The following CNTN5 variants were observed in gnomAD, a reference collection of about 807,000 sequenced individuals.
CNTN5 encodes the protein contactin-5.
In CNTN5, 77 loss-of-function variants were observed where a neutral mutation model predicts 129.1. The ratio of observed to expected loss-of-function variants is 0.60; its 90% confidence interval spans 0.50 to 0.72. CNTN5 has a LOEUF of 0.72. Among genes scored for constraint, CNTN5 ranks in the 30% least tolerant of loss-of-function variants. The probability of loss-of-function intolerance (pLI) is 0.00; values close to 1 mark genes in which losing one functional copy is unlikely to be tolerated. For missense variants in CNTN5, 1,478 were observed against 1,328.8 expected, an observed-to-expected ratio of 1.11 and a Z score of -1.75; for synonymous variants, 509 against 465.6, an observed-to-expected ratio of 1.09 and a Z score of -1.20.
At chr11:99,094,981 C>A (rs1167436224) in intron 1 of CNTN5, among the ~76,000 whole-genome samples, 1 of 151,644 alleles carries the variant, frequency 6.6e-6, no homozygotes, top group Non-Finnish European at 1.5e-5. Flanking sequence ...TATTAGGTTT[C>A]TATCTTTTTT....
intron 18 of CNTN5, among the ~76,000 whole-genome samples, chr11:100,292,078 T>A (rs1197523218): frequency 6.6e-6 from 1 of 151,966 alleles, no homozygotes; most frequent in African/African-American, 2.4e-5. Flanking sequence ...AATTCCATGG[T>A]CTCTCATTCC....
chr11:99,079,754 A>C (rs770398764), intron 1 of CNTN5, among the ~76,000 whole-genome samples: 1 of 152,126 alleles, frequency 6.6e-6, no homozygotes, highest in African/African-American at 2.4e-5. Flanking sequence ...TGTACATCCT[A>C]TCCTTTCTGA....
intron 3 of CNTN5, among the ~76,000 whole-genome samples, chr11:99,617,558 C>T (rs1156301316): frequency 1.3e-5 from 2 of 152,066 alleles, no homozygotes; most frequent in Non-Finnish European, 2.9e-5. Context: ...TGAAAAGATA[C>T]TCTAATCTCT....
intron 3 of CNTN5, among the ~76,000 whole-genome samples, chr11:99,720,086 G>T (rs1222189485): frequency 6.6e-6 from 1 of 152,048 alleles, no homozygotes; most frequent in Non-Finnish European, 1.5e-5. Flanking sequence ...GTTCATAGCT[G>T]AATTCTACCA....
chr11:99,996,777 ACATCT>A (rs1433733293), intron 8 of CNTN5, among the ~76,000 whole-genome samples: 1 of 152,136 alleles, frequency 6.6e-6, no homozygotes, highest in Admixed American at 6.6e-5. Context: ...GAGGCAAGGT[ACATCT>A]TACATGGCAG....
Position 100,046,997 on chromosome 11 carries a change from A to C in CNTN5, c.981-14215A>C, listed in dbSNP as rs552137750. On this transcript the variant is annotated intron_variant, in intron 9 of 24. Coordinates refer to ENST00000524871, the MANE Select transcript of CNTN5 (RefSeq NM_014361.4). ...GAAAGGACAGAGAGGGAGATCAGTGAAGCTGAGGTGACTGAAATTTATAGG... is the reference window on the plus strand; with the variant it reads ...GAAAGGACAGAGAGGGAGATCAGTGCAGCTGAGGTGACTGAAATTTATAGG... Among the ~76,000 whole-genome samples, 3 of 152,308 alleles carry C rather than the reference A, an allele frequency of 2.0e-5. No homozygotes were observed. The East Asian group carries it at 5.8e-4, about 29-fold the overall frequency.
At chr11:99,556,983 C>T (rs1343561165) in intron 3 of CNTN5, among the ~76,000 whole-genome samples, 1 of 151,042 alleles carries the variant, frequency 6.6e-6, no homozygotes, top group African/African-American at 2.4e-5. Context: ...AAATTGTGGT[C>T]ATAATTTAAG....
At chr11:100,154,502 T>C (rs1432488686) in intron 13 of CNTN5, among the ~76,000 whole-genome samples, 1 of 152,190 alleles carries the variant, frequency 6.6e-6, no homozygotes, top group Non-Finnish European at 1.5e-5. Flanking sequence ...GATGTCTTTA[T>C]AGTAGAATGT....
chr11:99,251,646 C>G (rs1392967409), intron 1 of CNTN5, among the ~76,000 whole-genome samples: 1 of 152,012 alleles, frequency 6.6e-6, no homozygotes, highest in East Asian at 1.9e-4. Context: ...ATAACTATAA[C>G]AATTGTCAAG....
chr11:99,408,450 G>A (rs529054045), intron 2 of CNTN5, among the ~76,000 whole-genome samples: 1,829 of 68,638 alleles, frequency 0.027, 33 homozygotes, highest in African/African-American at 0.083. Context: ...GAAAGAAAGA[G>A]AAAGAAAGAA....
At chr11:99,829,949 T>G (rs1947085601) in intron 4 of CNTN5, among the ~76,000 whole-genome samples, 1 of 152,212 alleles carries the variant, frequency 6.6e-6, no homozygotes, top group African/African-American at 2.4e-5. Flanking sequence ...AACTGATCCT[T>G]GATTTCATCT....
intron 3 of CNTN5, among the ~76,000 whole-genome samples, chr11:99,793,341 G>C (rs1432645553): frequency 6.6e-6 from 1 of 152,184 alleles, no homozygotes; most frequent in East Asian, 1.9e-4. Context: ...TTACAGGCGT[G>C]AGCCACTGTG....
chr11:100,022,092 T>A (rs1313588946), intron 9 of CNTN5, among the ~76,000 whole-genome samples: 2 of 152,188 alleles, frequency 1.3e-5, no homozygotes, highest in East Asian at 3.8e-4. Flanking sequence ...GACTCAAATG[T>A]TAATCTCTTC....
chr11:99,787,174 C>G (rs1945560919), intron 3 of CNTN5, among the ~76,000 whole-genome samples: 1 of 150,202 alleles, frequency 6.7e-6, no homozygotes, highest in South Asian at 2.1e-4. Flanking sequence ...CACGTTTTGG[C>G]TTTAAGAGGA....
intron 2 of CNTN5, among the ~76,000 whole-genome samples, chr11:99,447,818 G>A (rs1944131978): frequency 6.6e-6 from 1 of 152,096 alleles, no homozygotes; most frequent in South Asian, 2.1e-4. Context: ...CCAGCTACTT[G>A]GGAGGCTGAG....
intron 8 of CNTN5, 46 bp from the exon 9 acceptor site, chr11:100,001,988 A>G (rs202191285): frequency 2.3e-6 from 3 of 1,307,528 alleles, no homozygotes; most frequent in Non-Finnish European, 3.2e-6. Context: ...TAAGAAACAA[A>G]TTGTAACATT....
At chr11:99,784,934 A>G (rs539974941) in intron 3 of CNTN5, among the ~76,000 whole-genome samples, 1 of 150,718 alleles carries the variant, frequency 6.6e-6, no homozygotes, top group South Asian at 2.1e-4. Flanking sequence ...CAAATAGGTG[A>G]GACTACAGGT....
At chr11:99,701,237 G>A (rs1011028254) in intron 3 of CNTN5, among the ~76,000 whole-genome samples, 1 of 151,184 alleles carries the variant, frequency 6.6e-6, no homozygotes, top group African/African-American at 2.4e-5. Context: ...GCTTCATAAG[G>A]AAATAGGGAC....
chr11:100,305,778 A>G (rs1951334949), intron 20 of CNTN5, among the ~76,000 whole-genome samples: 1 of 151,586 alleles, frequency 6.6e-6, no homozygotes, highest in Admixed American at 6.6e-5. Context: ...AAAATCTGAC[A>G]GAGGTCACTA....
Sources: allele counts gnomAD v4.1 joint callset (sites outside exome capture counted in the v4.1 genomes callset), GRCh38; gene constraint gnomAD v4.1.1; transcripts MANE v1.5; gene names NCBI Gene and HGNC (gene_info 2026-07-23, HGNC 2026-07-21).